UNC13B: variants seen among roughly 807,000 people sequenced by gnomAD.
UNC13B encodes protein unc-13 homolog B.
In UNC13B, 144 loss-of-function variants were observed where a neutral mutation model predicts 211.0. The ratio of observed to expected loss-of-function variants is 0.68; its 90% CI spans 0.60 to 0.78. The LOEUF (loss-of-function observed/expected upper bound fraction) is 0.78, where lower values mean the gene tolerates loss of function less well. Ranked by LOEUF, UNC13B falls within the 30% of genes least tolerant of loss-of-function variation. The probability of loss-of-function intolerance (pLI) is 0.00; values close to 1 mark genes in which losing one functional copy is unlikely to be tolerated. For synonymous variants in UNC13B, 709 were observed against 725.8 expected (o/e 0.98, Z 0.37); for missense variants, 1,777 against 2,002.0 (o/e 0.89, Z 2.14).
intron 5 of UNC13B, 77 bp from the exon 6 acceptor site, chr9:35,243,214 G>T: frequency 7.1e-7 from 1 of 1,411,646 alleles, no homozygotes; most frequent in South Asian, 1.2e-5. Context: ...TCATTAGACA[G>T]AGTAAAGTGT....
chr9:35,237,893 T>G, intron 5 of UNC13B, 67 bp downstream of exon 5: 6 of 1,497,836 alleles, frequency 4.0e-6, no homozygotes, highest in Non-Finnish European at 5.4e-6. Flanking sequence ...GCTAGTTGTT[T>G]CATTAATGTA....
intron 1 of UNC13B, among the ~76,000 whole-genome samples, chr9:35,191,306 A>G (rs1822648005): frequency 6.6e-6 from 1 of 152,124 alleles, no homozygotes; most frequent in Non-Finnish European, 1.5e-5. Context: ...TCTCATTGCA[A>G]AATTGTGACT....
chr9:35,385,819 A>T lies in UNC13B; in HGVS notation c.10965+6A>T. On this transcript the variant is annotated splice_donor_region_variant and intron_variant, in intron 23 of 39. Coordinates refer to ENST00000635942, the MANE Select transcript of UNC13B (RefSeq NM_001371189.2). ...TTACTTTCTTCAGAATGAAGGTAAGAAATGGACTGGGGCTTGGGTGGTGCT... is the reference window on the plus strand; with the variant it reads ...TTACTTTCTTCAGAATGAAGGTAAGTAATGGACTGGGGCTTGGGTGGTGCT... 1 of 1,605,952 alleles carries T rather than the reference A, an allele frequency of 6.2e-7. No homozygotes were observed.
chr9:35,257,101 G>A (rs1467767453), intron 6 of UNC13B, among the ~76,000 whole-genome samples: 2 of 151,628 alleles, frequency 1.3e-5, no homozygotes, highest in Non-Finnish European at 2.9e-5. Flanking sequence ...ATAATTATTT[G>A]TAGTGGCTAT....
At chr9:35,201,523 G>T (rs142727757) in intron 1 of UNC13B, among the ~76,000 whole-genome samples, 22,015 of 152,068 alleles carry the variant, frequency 0.14, 1,846 homozygotes, top group Admixed American at 0.25. Context: ...GCCTGTTATT[G>T]GTCTATTCAG....
intron 1 of UNC13B, among the ~76,000 whole-genome samples, chr9:35,221,066 T>A (rs1036441735): frequency 2.6e-5 from 4 of 152,058 alleles, no homozygotes; most frequent in African/African-American, 7.2e-5. Flanking sequence ...TCTTTTAAAT[T>A]TTTATTTATT....
In UNC13B at chr9:35,237,771, T is replaced by G. The variant is rs755891873; in HGVS notation, c.339T>G (p.Thr113=). ...TGAAAGACGATGAGATCTGTGGAAC[T>G]AGAAACCCAACTCCTCATAAAATTT... ...TLMKDDEICG[T]RNPTPHKILL... Residue 113 remains threonine (T), a synonymous_variant, in exon 5 of 40, where the codon ACT becomes ACG. Transcript: ENST00000635942. 1 of 1,614,044 alleles carries G rather than the reference T, an allele frequency of 6.2e-7. No homozygotes were observed. The highest frequency in any genetic ancestry group is 1.1e-5 in the South Asian group (1 of 91,020).
chr9:35,279,952 T>C (rs1828392631), intron 7 of UNC13B, among the ~76,000 whole-genome samples: 1 of 152,148 alleles, frequency 6.6e-6, no homozygotes, highest in African/African-American at 2.4e-5. Flanking sequence ...ATCCTGTCTT[T>C]TTCTCCTCTA....
intron 1 of UNC13B, among the ~76,000 whole-genome samples, chr9:35,226,752 G>A (rs1194912706): frequency 6.6e-6 from 1 of 152,176 alleles, no homozygotes; most frequent in African/African-American, 2.4e-5. Flanking sequence ...TGTGCTGTCA[G>A]CTGATTAAAT....
Position 35,259,626 on chromosome 9 carries a change from A to G in UNC13B, c.526+576A>G, listed in dbSNP as rs375697143. 7.5e-4 allele frequency among the ~76,000 whole-genome samples: 114 copies of G among 152,200 alleles called. 1 individual carries two copies. The South Asian group carries it at 0.019, about 25-fold the overall frequency. ...TATTTCTCCTGAGATTGATTTGTCA[A>G]GATCACACAGATTAATTATTGAAAT... On this transcript the variant is annotated intron_variant, in intron 7 of 39. Coordinates refer to ENST00000635942, the MANE Select transcript of UNC13B (RefSeq NM_001371189.2).
rs201644197 is a variant in UNC13B, at chr9:35,382,472, T to G, written c.10771T>G (p.Ser3591Ala). ...YAHTTASTNV[S>A]ASDRFAASNF... The stretch of plus-strand genomic sequence containing the variant: ...CCACACAACTGCCTCTACCAATGTC[T>G]CTGCATCTGATCGCTTTGCAGCCTC... Residue 3591 changes from serine to alanine, a missense_variant, in exon 21 of 40, where the codon TCT (serine) becomes GCT (alanine). By Grantham distance (99) the Ser-to-Ala change is moderately conservative. Transcript: ENST00000635942. 2.5e-6 allele frequency: 4 copies of G among 1,613,986 alleles called. No homozygotes were observed. The highest frequency in any genetic ancestry group is 1.3e-5 in the African/African-American group (1 of 74,888).
At chr9:35,338,047 T>C (rs1831765633) in intron 11 of UNC13B, among the ~76,000 whole-genome samples, 1 of 152,180 alleles carries the variant, frequency 6.6e-6, no homozygotes, top group Non-Finnish European at 1.5e-5. Context: ...GATATATATA[T>C]AAACAAATAC....
intron 8 of UNC13B, among the ~76,000 whole-genome samples, chr9:35,299,944 A>G (rs564518875): frequency 4.6e-5 from 7 of 152,346 alleles, no homozygotes; most frequent in Admixed American, 3.3e-4. Context: ...AAGAAGATAT[A>G]CATAAGGAGA....
rs535877077 is a variant in UNC13B, at chr9:35,343,264, C to T, written c.9415-23683C>T. 3.3e-5 allele frequency among the ~76,000 whole-genome samples: 5 copies of T among 152,326 alleles called. No individual in the cohort carries two copies. The South Asian group carries it at 1.0e-3, about 32-fold the overall frequency. ...GTTGTTGTGATGATAAAATAGGAAT[C>T]ATATAAACTGAAAATTCTAAACAAA... On this transcript the variant is annotated intron_variant, in intron 11 of 39. Coordinates refer to ENST00000635942, the MANE Select transcript of UNC13B (RefSeq NM_001371189.2).
chr9:35,352,874 C>G (rs770674184), intron 11 of UNC13B: 35 of 1,231,986 alleles, frequency 2.8e-5, no homozygotes, highest in Non-Finnish European at 3.4e-5. Flanking sequence ...ACAGTACAGC[C>G]AAAAACATGA....
chr9:35,243,442 C>A, intron 6 of UNC13B, 78 bp downstream of exon 6: 1 of 1,429,336 alleles, frequency 7.0e-7, no homozygotes, highest in African/African-American at 1.4e-5. Context: ...CAGGGAGGGG[C>A]CCAAGAGCAT....
intron 1 of UNC13B, among the ~76,000 whole-genome samples, chr9:35,224,733 A>T (rs917348484): frequency 6.6e-6 from 1 of 152,208 alleles, no homozygotes. Context: ...ACAAAAAAAT[A>T]AAACTACAGG....
intron 11 of UNC13B, among the ~76,000 whole-genome samples, chr9:35,356,661 G>A (rs967123074): frequency 1.3e-5 from 2 of 152,000 alleles, no homozygotes; most frequent in African/African-American, 2.4e-5. Flanking sequence ...GTATTGAATC[G>A]AATGGTTTTT....
chr9:35,386,388 A>G, intron 24 of UNC13B, 95 bp downstream of exon 24: 1 of 1,530,676 alleles, frequency 6.5e-7, no homozygotes, highest in East Asian at 2.3e-5. Context: ...CTCAGGACAA[A>G]GTACTTGATG....
Sources: allele counts gnomAD v4.1 joint callset (sites outside exome capture counted in the v4.1 genomes callset), GRCh38; gene constraint gnomAD v4.1.1; transcripts MANE v1.5; gene names NCBI Gene and HGNC (gene_info 2026-07-23, HGNC 2026-07-21).